Variants in CHIC1 observed in about 807,000 individuals in gnomAD.
CHIC1 encodes cysteine rich hydrophobic domain 1.
A neutral mutation model predicts 18.5 loss-of-function variants in CHIC1; 7 were observed. That is an observed-to-expected ratio of 0.38 (90% CI 0.22 to 0.71). CHIC1 has a LOEUF of 0.71. Ranked by LOEUF, CHIC1 falls within the 30% of genes least tolerant of loss-of-function variation. CHIC1 has a pLI of 0.49. For missense variants in CHIC1, 159 were observed against 176.9 expected, an observed-to-expected ratio of 0.90 and a Z score of 0.57; for synonymous variants, 77 against 73.5, an observed-to-expected ratio of 1.05 and a Z score of -0.25.
chrX:73,633,059 G>A (rs759780383), intron 3 of CHIC1, among the ~76,000 whole-genome samples: 1 of 111,088 alleles, frequency 9.0e-6, no homozygotes, highest in Non-Finnish European at 1.9e-5. Context: ...GAGCCACCGC[G>A]CCTGGCCGGT....
chrX:73,638,293 A>G (rs1475414524), intron 3 of CHIC1, among the ~76,000 whole-genome samples: 1 of 110,676 alleles, frequency 9.0e-6, no homozygotes, highest in Non-Finnish European at 1.9e-5. Context: ...TGCTTTCCCC[A>G]CCTGAGATCC....
At chrX:73,659,698 A>AT (rs2057970344) in intron 3 of CHIC1, among the ~76,000 whole-genome samples, 2 of 111,844 alleles carry the variant, frequency 1.8e-5, no homozygotes, top group African/African-American at 6.5e-5. Flanking sequence ...TAAGGAAAAC[A>AT]TATGGTTGGG....
chrX:73,614,720 CT>C (rs2147578730), intron 3 of CHIC1, among the ~76,000 whole-genome samples: 1 of 110,383 alleles, frequency 9.1e-6, no homozygotes. Context: ...CTGTTTAAAT[CT>C]TTTTTATGGT....
At chrX:73,611,410 G>A (rs1247406952) in intron 3 of CHIC1, among the ~76,000 whole-genome samples, 3 of 108,526 alleles carry the variant, frequency 2.8e-5, no homozygotes, top group Non-Finnish European at 5.6e-5. Flanking sequence ...TTCTTAATCT[G>A]GTCTATCGTT....
intron 3 of CHIC1, among the ~76,000 whole-genome samples, chrX:73,641,623 C>A (rs945100147): frequency 2.7e-5 from 3 of 110,283 alleles, no homozygotes; most frequent in Admixed American, 9.7e-5. Flanking sequence ...CCCATTAACT[C>A]GTCATTTAGC....
At chrX:73,648,527 C>A (rs1000274284) in intron 3 of CHIC1, among the ~76,000 whole-genome samples, 1 of 111,600 alleles carries the variant, frequency 9.0e-6, no homozygotes, top group African/African-American at 3.3e-5. Flanking sequence ...ATATAAATGA[C>A]CTGATGGAGC....
intron 3 of CHIC1, among the ~76,000 whole-genome samples, chrX:73,597,501 T>A (rs2057615651): frequency 9.2e-6 from 1 of 109,047 alleles, no homozygotes; most frequent in Non-Finnish European, 1.9e-5. Flanking sequence ...CCCATTAAAC[T>A]AGTTTTCTTT....
In CHIC1 at chrX:73,682,132, A is replaced by G. The variant is rs767755122; in HGVS notation, c.*1127A>G. On this transcript the variant is annotated 3_prime_UTR_variant, in exon 6 of 6. Transcript: ENST00000373502. ...GAGAAGCTGTAGCTAAAGAGTATAT[A>G]GCAGCTGATTCATAATTGAAAAAAA... The G allele has an allele frequency of 2.7e-5, 3 of 111,723 alleles. No homozygotes were observed. Among genetic ancestry groups the G allele is most frequent in the Non-Finnish European group, 5.7e-5 (3 of 52,832 alleles). The allele number at this position is 111,723 out of a possible 1,213,427, so 9.2% of individuals were successfully genotyped here.
intron 2 of CHIC1, among the ~76,000 whole-genome samples, chrX:73,578,316 G>C (rs749831516): frequency 9.0e-6 from 1 of 110,767 alleles, no homozygotes; most frequent in South Asian, 3.7e-4. Flanking sequence ...AAGGCAAAAA[G>C]TTATTTACAT....
At chrX:73,655,026 A>T (rs2057935065) in intron 3 of CHIC1, among the ~76,000 whole-genome samples, 1 of 110,134 alleles carries the variant, frequency 9.1e-6, no homozygotes, top group Non-Finnish European at 1.9e-5. Flanking sequence ...CCCACCATCC[A>T]TTAGTTGTTC....
intron 3 of CHIC1, among the ~76,000 whole-genome samples, chrX:73,645,902 G>T (rs2057887023): frequency 9.0e-6 from 1 of 111,543 alleles, no homozygotes; most frequent in Admixed American, 9.5e-5. Flanking sequence ...ATAGTTTCAT[G>T]CAGTCCTGTT....
At chrX:73,662,083 A>G (rs750347235) in intron 3 of CHIC1, among the ~76,000 whole-genome samples, 1 of 109,777 alleles carries the variant, frequency 9.1e-6, no homozygotes, top group South Asian at 3.9e-4. Flanking sequence ...AAAATAAATA[A>G]TAAAAAAAAA....
intron 3 of CHIC1, among the ~76,000 whole-genome samples, chrX:73,655,379 G>A (rs1486143869): frequency 1.0e-5 from 1 of 98,523 alleles, no homozygotes; most frequent in African/African-American, 3.7e-5. Context: ...ACAATATTGT[G>A]GGTGTGTATA....
At chrX:73,593,198 G>A (rs1452232895) in intron 3 of CHIC1, among the ~76,000 whole-genome samples, 1 of 111,015 alleles carries the variant, frequency 9.0e-6, no homozygotes, top group African/African-American at 3.3e-5. Flanking sequence ...TGGGGTCTCA[G>A]TTCCTTTCAG....
intron 3 of CHIC1, 102 bp from the exon 4 acceptor site, chrX:73,679,224 G>C: frequency 2.0e-6 from 1 of 498,668 alleles, no homozygotes; most frequent in Non-Finnish European, 3.5e-6. Context: ...AAAACAAGGA[G>C]ATAGTAATGG....
chrX:73,684,132 C>T lies in CHIC1; in HGVS notation c.*3127C>T, dbSNP rs1403508550. Reference sequence around the variant, plus strand: ...TTATTTATTATGTAAAGCTTCTTTCCTTCCTTTTCCCCAATCATGATATAT... The same window carrying T: ...TTATTTATTATGTAAAGCTTCTTTCTTTCCTTTTCCCCAATCATGATATAT... On this transcript the variant is annotated 3_prime_UTR_variant, in exon 6 of 6. Transcript: ENST00000373502. 2.7e-5 allele frequency: 3 copies of T among 110,836 alleles called. No individual in the cohort carries two copies. Among genetic ancestry groups the T allele is most frequent in the Non-Finnish European group, 5.7e-5 (3 of 52,563 alleles). 9.1% of individuals were successfully genotyped at this position (110,836 alleles called of 1,213,427 possible).
At chrX:73,674,834 C>T (rs2058052946) in intron 3 of CHIC1, among the ~76,000 whole-genome samples, 1 of 111,032 alleles carries the variant, frequency 9.0e-6, no homozygotes, top group Non-Finnish European at 1.9e-5. Flanking sequence ...GTTAGGGTGT[C>T]AATTTTGGAT....
chrX:73,635,757 C>G (rs932263002), intron 3 of CHIC1, among the ~76,000 whole-genome samples: 6 of 111,697 alleles, frequency 5.4e-5, no homozygotes, highest in African/African-American at 2.0e-4. Flanking sequence ...CTTCATCAGT[C>G]TAGCTAAAGG....
intron 3 of CHIC1, among the ~76,000 whole-genome samples, chrX:73,651,237 C>T (rs1476217749): frequency 2.7e-5 from 3 of 111,182 alleles, no homozygotes; most frequent in African/African-American, 9.8e-5. Context: ...CATTCACATT[C>T]TTCACAGAAT....
Sources: gnomAD v4.1 joint callset for allele counts (sites outside exome capture counted in the v4.1 genomes callset) on GRCh38, gnomAD v4.1.1 for gene constraint, MANE v1.5 for transcripts, NCBI Gene and HGNC (gene_info 2026-07-23, HGNC 2026-07-21) for gene names.